Variants in THBS4 observed in about 807,000 individuals in gnomAD.
THBS4 encodes thrombospondin 4.
In THBS4, 90 loss-of-function variants were observed where a neutral mutation model predicts 115.7. The observed-to-expected ratio is 0.78, with a 90% CI of 0.66 to 0.93. THBS4 has a LOEUF of 0.93. Ranked by LOEUF, THBS4 falls within the 40% of genes least tolerant of loss-of-function variation. The pLI is 0.00. For synonymous variants in THBS4, 460 were observed against 479.3 expected, an observed-to-expected ratio of 0.96 and a Z score of 0.53; for missense variants, 1,087 against 1,232.7, an observed-to-expected ratio of 0.88 and a Z score of 1.77.
chr5:80,070,891 C>T (rs1834022136), intron 12 of THBS4, 130 bp from the exon 13 acceptor site: 1 of 1,571,792 alleles, frequency 6.4e-7, no homozygotes, highest in Non-Finnish European at 8.6e-7. Flanking sequence ...GCTTTTTACC[C>T]TATAAGATTC....
chr5:80,055,264 G>A lies in THBS4; in HGVS notation c.293-521G>A, dbSNP rs17883722. The stretch of plus-strand genomic sequence containing the variant: ...TTGAGCCTAGGAGGCAGAGGTTGCA[G>A]TGAGCTGAGATCGTCCCACTGCACT... On this transcript the variant is annotated intron_variant, in intron 2 of 21. Coordinates refer to ENST00000350881, the MANE Select transcript of THBS4 (RefSeq NM_003248.6). 2.6e-3 allele frequency among the ~76,000 whole-genome samples: 399 copies of A among 151,922 alleles called. 1 individual carries two copies. The highest frequency in any genetic ancestry group is 8.7e-3 in the African/African-American group (361 of 41,392).
At chr5:79,997,386 GTA>G (rs1385171225) in intron 1 of THBS4, among the ~76,000 whole-genome samples, 1 of 152,062 alleles carries the variant, frequency 6.6e-6, no homozygotes, top group African/African-American at 2.4e-5. Context: ...TAGTATGCGT[GTA>G]TGTGTGTGTG....
At chr5:80,049,462 T>C (rs139277519) in intron 2 of THBS4, among the ~76,000 whole-genome samples, 3 of 152,322 alleles carry the variant, frequency 2.0e-5, no homozygotes, top group Non-Finnish European at 2.9e-5. Flanking sequence ...GGTTTCACCA[T>C]GTTGGCCAGG....
At chr5:80,020,367 G>C (rs1370536278) in intron 2 of THBS4, among the ~76,000 whole-genome samples, 1 of 152,106 alleles carries the variant, frequency 6.6e-6, no homozygotes, top group African/African-American at 2.4e-5. Context: ...CCAACTACTC[G>C]GGAGGCTGAG....
chr5:80,073,747 C>G (rs1422871486), intron 15 of THBS4, among the ~76,000 whole-genome samples: 2 of 152,158 alleles, frequency 1.3e-5, no homozygotes, highest in Non-Finnish European at 2.9e-5. Flanking sequence ...TCTGGGTGGA[C>G]TGAGCTGCTG....
At chr5:80,017,262 C>G (rs550847042) in intron 2 of THBS4, among the ~76,000 whole-genome samples, 1 of 152,034 alleles carries the variant, frequency 6.6e-6, no homozygotes, top group Non-Finnish European at 1.5e-5. Context: ...TCTTGGCACT[C>G]GAATCTGAAA....
At chr5:80,027,381 C>T (rs1832498215) in intron 2 of THBS4, among the ~76,000 whole-genome samples, 1 of 152,124 alleles carries the variant, frequency 6.6e-6, no homozygotes, top group Admixed American at 6.5e-5. Context: ...ATTTTGCAAC[C>T]ATGAGGGAAA....
chr5:80,068,200 G>A lies in THBS4; in HGVS notation c.1347+75G>A, dbSNP rs41272282. ...CACCACCTCTCTCCAGTTTCTATGT[G>A]CTTCAGGGTAAAAGTACTCCAAAAT... On this transcript the variant is annotated intron_variant, in intron 10 of 21. Transcript: ENST00000350881. The A allele has an allele frequency of 5.1e-3, 7,934 of 1,558,824 alleles. 38 individuals carry two copies. The highest frequency in any genetic ancestry group is 0.011 in the Middle Eastern group (66 of 5,740).
intron 2 of THBS4, among the ~76,000 whole-genome samples, chr5:80,042,428 C>T (rs1294987701): frequency 1.3e-5 from 2 of 152,228 alleles, no homozygotes; most frequent in Non-Finnish European, 2.9e-5. Context: ...AGTTCCTCTG[C>T]AGAGTAAAAA....
At chr5:80,040,842 T>G (rs1013102187) in intron 2 of THBS4, among the ~76,000 whole-genome samples, 8 of 152,184 alleles carry the variant, frequency 5.3e-5, no homozygotes, top group Non-Finnish European at 1.0e-4. Context: ...AGGACTTTCT[T>G]GTGTCACAAC....
intron 1 of THBS4, among the ~76,000 whole-genome samples, chr5:80,039,043 C>A (rs1001683018): frequency 2.6e-5 from 4 of 152,130 alleles, no homozygotes; most frequent in Non-Finnish European, 5.9e-5. Flanking sequence ...CATTGTAATT[C>A]TTTTTATGTA....
chr5:80,074,308 C>T (rs1743078768), intron 15 of THBS4: 1 of 152,114 alleles, frequency 6.6e-6, no homozygotes, highest in African/African-American at 2.4e-5. Flanking sequence ...CCTCCTAGCT[C>T]AACACGATGG....
At chr5:80,051,934 G>A (rs689879) in intron 2 of THBS4, among the ~76,000 whole-genome samples, 83,452 of 151,950 alleles carry the variant, frequency 0.55, 23,353 homozygotes, top group African/African-American at 0.65. Context: ...ATCTTAGTTT[G>A]AGGAAGAAAA....
At chr5:80,004,949 G>C (rs1444452278) in intron 2 of THBS4, among the ~76,000 whole-genome samples, 1 of 151,958 alleles carries the variant, frequency 6.6e-6, no homozygotes, top group Non-Finnish European at 1.5e-5. Context: ...TGTTACCCAG[G>C]CTGGTCTCAA....
At chr5:80,019,046 T>TG (rs1832308630) in intron 2 of THBS4, among the ~76,000 whole-genome samples, 1 of 151,974 alleles carries the variant, frequency 6.6e-6, no homozygotes, top group African/African-American at 2.4e-5. Flanking sequence ...TGATTGTTTT[T>TG]TTTTTTTTTT....
At chr5:80,042,581 C>T (rs1832937390) in intron 2 of THBS4, among the ~76,000 whole-genome samples, 2 of 152,128 alleles carry the variant, frequency 1.3e-5, no homozygotes, top group African/African-American at 4.8e-5. Flanking sequence ...TTTGTATAGA[C>T]AAGAGTAACA....
Position 80,078,215 on chromosome 5 carries a change from G to T in THBS4, c.2253G>T (p.Val751=). Residue 751 remains valine, a synonymous_variant, in exon 17 of 22, where the codon GTG becomes GTT. Coordinates refer to ENST00000350881, the MANE Select transcript of THBS4 (RefSeq NM_003248.6). ...EGDAQIDPNW[V]VLNQGMEIVQ... ...ATGCCCAGATCGATCCCAACTGGGT[G>T]GTCCTGAACCAGGTGAGTGTCACAT... is the stretch of plus-strand genomic sequence containing the variant. The T allele has an allele frequency of 6.3e-7, 1 of 1,585,788 alleles. No homozygotes were observed. Among genetic ancestry groups the T allele is most frequent in the Admixed American group, 1.7e-5 (1 of 58,332 alleles).
At chr5:80,007,293 T>C (rs1464437086) in intron 2 of THBS4, among the ~76,000 whole-genome samples, 1 of 152,228 alleles carries the variant, frequency 6.6e-6, no homozygotes, top group African/African-American at 2.4e-5. Flanking sequence ...AAGAACTAAA[T>C]TAATTTTATG....
In THBS4 at chr5:80,059,560, G is replaced by A. The variant is rs562672633; in HGVS notation, c.784+69G>A. The A allele has an allele frequency of 1.1e-3, 1,758 of 1,600,212 alleles. 3 individuals are homozygous for A. The highest frequency in any genetic ancestry group is 1.4e-3 in the Non-Finnish European group (1,604 of 1,168,080). ...CAGGCTGATGAAGGGCTTGCGGTGA[G>A]GCTGTGTTGACCGCAGTTTCTGAAG... On this transcript the variant is annotated intron_variant, in intron 6 of 21. Transcript: ENST00000350881.
Sources: gnomAD v4.1 joint callset for allele counts (sites outside exome capture counted in the v4.1 genomes callset) on GRCh38, gnomAD v4.1.1 for gene constraint, MANE v1.5 for transcripts, NCBI Gene and HGNC (gene_info 2026-07-23, HGNC 2026-07-21) for gene names.